The following FBXL17 variants were observed in gnomAD, a reference collection of about 807,000 sequenced individuals.
FBXL17 encodes F-box/LRR-repeat protein 17.
In FBXL17, 22 loss-of-function variants were observed where a neutral mutation model predicts 66.2. The ratio of observed to expected loss-of-function variants is 0.33; its 90% confidence interval spans 0.24 to 0.47. The LOEUF (loss-of-function observed/expected upper bound fraction) is 0.47. Ranked by LOEUF, FBXL17 falls within the 20% of genes least tolerant of loss-of-function variation. The pLI is 1.00. For missense variants in FBXL17, 878 were observed against 948.2 expected, an observed-to-expected ratio of 0.93 and a Z score of 0.97; for synonymous variants, 474 against 400.5, an observed-to-expected ratio of 1.18 and a Z score of -2.19.
chr5:108,229,666 T>C (rs1755243028), intron 4 of FBXL17, among the ~76,000 whole-genome samples: 1 of 152,158 alleles, frequency 6.6e-6, no homozygotes, highest in African/African-American at 2.4e-5. Context: ...GGCAAAGACC[T>C]CATGACCAAG....
chr5:108,224,588 G>C (rs899410693), intron 4 of FBXL17, among the ~76,000 whole-genome samples: 2 of 151,182 alleles, frequency 1.3e-5, no homozygotes, highest in Non-Finnish European at 3.0e-5. Context: ...GTTTGTTTTG[G>C]GGTTTTTTGT....
In FBXL17 at chr5:108,348,429, T is replaced by C; in HGVS notation, c.1476A>G (p.Leu492=). The change falls in exon 4 of 9, where the codon TTA becomes TTG. Residue 492 remains leucine (L), a synonymous_variant. Coordinates refer to ENST00000542267, the MANE Select transcript of FBXL17 (RefSeq NM_001163315.3). ...MIVIAKGCLK[L]QRIYMQENKL... The stretch of plus-strand genomic sequence containing the variant: ...TGTTTTCCTGCATGTATATCCTTTG[T>C]AATTTCAGACAGCCCTTAGCTATGA... 6.2e-7 allele frequency: 1 copy of C among 1,613,630 alleles called. No individual in the cohort carries two copies. Among genetic ancestry groups the C allele is most frequent in the Non-Finnish European group, 8.5e-7 (1 of 1,179,648 alleles).
At chr5:108,036,678 C>T (rs1746854217) in intron 6 of FBXL17, among the ~76,000 whole-genome samples, 1 of 152,164 alleles carries the variant, frequency 6.6e-6, no homozygotes, top group Admixed American at 6.5e-5. Context: ...CTTCCTCCTG[C>T]TCTGGCCTGA....
chr5:108,321,481 T>A (rs2150219268), intron 4 of FBXL17, among the ~76,000 whole-genome samples: 1 of 151,992 alleles, frequency 6.6e-6, no homozygotes, highest in South Asian at 2.1e-4. Flanking sequence ...GGCCACTGAT[T>A]TATAGAACAG....
intron 6 of FBXL17, among the ~76,000 whole-genome samples, chr5:108,051,589 T>C (rs915453389): frequency 1.3e-5 from 2 of 152,096 alleles, no homozygotes; most frequent in African/African-American, 2.4e-5. Flanking sequence ...ATGAAACATA[T>C]GTCAAAATAA....
chr5:108,334,555 A>G lies in FBXL17; in HGVS notation c.1506+13844T>C, dbSNP rs575270616. Among the ~76,000 whole-genome samples, 3 of 152,314 alleles carry G rather than the reference A, an allele frequency of 2.0e-5. No individual in the cohort carries two copies. In the South Asian group the frequency reaches 6.2e-4, roughly 32 times the overall value. On this transcript the variant is annotated intron_variant, in intron 4 of 8. Coordinates refer to ENST00000542267, the MANE Select transcript of FBXL17 (RefSeq NM_001163315.3). ...TCAATTCAGTTTCTTTTGTTCTGGTAGGTAGAGGGTTAGGGTACCAATGAC... is the reference window on the plus strand; with the variant it reads ...TCAATTCAGTTTCTTTTGTTCTGGTGGGTAGAGGGTTAGGGTACCAATGAC...
chr5:108,317,897 C>A (rs903320049), intron 4 of FBXL17, among the ~76,000 whole-genome samples: 2 of 151,270 alleles, frequency 1.3e-5, no homozygotes, highest in African/African-American at 2.4e-5. Context: ...AATAAATAAT[C>A]AAATGAAGCT....
chr5:108,320,579 CT>C (rs1759571585), intron 4 of FBXL17, among the ~76,000 whole-genome samples: 22 of 151,732 alleles, frequency 1.4e-4, no homozygotes, highest in African/African-American at 5.3e-4. Flanking sequence ...CAAGTTAGGA[CT>C]TTAAATGTTT....
intron 4 of FBXL17, among the ~76,000 whole-genome samples, chr5:108,336,531 A>G (rs989759802): frequency 6.6e-6 from 1 of 152,176 alleles, no homozygotes; most frequent in African/African-American, 2.4e-5. Flanking sequence ...AACAAACCAA[A>G]TATCTTCAAT....
At chr5:108,299,763 A>C (rs1242438714) in intron 4 of FBXL17, 1 of 984,970 alleles carries the variant, frequency 1.0e-6, no homozygotes, top group Non-Finnish European at 1.2e-6. Context: ...GAAGCAGTGC[A>C]TGTGAAATTC....
chr5:107,928,079 A>C (rs961549814), intron 7 of FBXL17, among the ~76,000 whole-genome samples: 15 of 152,236 alleles, frequency 9.9e-5, no homozygotes, highest in Middle Eastern at 3.4e-3. Context: ...TAACAAAGAA[A>C]ATTCTAAATA....
At chr5:107,878,638 A>G in intron 8 of FBXL17, 1 of 985,408 alleles carries the variant, frequency 1.0e-6, no homozygotes, top group Non-Finnish European at 1.2e-6. Flanking sequence ...CTTGATGGTA[A>G]CTTAAAATCT....
chr5:108,161,326 A>G (rs1752209530), intron 6 of FBXL17, among the ~76,000 whole-genome samples: 1 of 152,072 alleles, frequency 6.6e-6, no homozygotes, highest in Non-Finnish European at 1.5e-5. Context: ...CTACTAAAAT[A>G]CAAAAAAAAA....
chr5:108,055,060 C>G (rs1430575749), intron 6 of FBXL17, among the ~76,000 whole-genome samples: 1 of 151,974 alleles, frequency 6.6e-6, no homozygotes, highest in Admixed American at 6.6e-5. Flanking sequence ...GTAATAATGT[C>G]ATTTGAATTC....
At chr5:108,178,399 C>A (rs1382290096) in intron 6 of FBXL17, among the ~76,000 whole-genome samples, 2 of 151,962 alleles carry the variant, frequency 1.3e-5, no homozygotes. Flanking sequence ...ACTCCAATAT[C>A]AAACTATCTT....
chr5:108,044,365 T>C (rs994067017), intron 6 of FBXL17, among the ~76,000 whole-genome samples: 6 of 152,192 alleles, frequency 3.9e-5, no homozygotes, highest in African/African-American at 1.4e-4. Flanking sequence ...TGTCTGTTTC[T>C]GTCTTTCTGC....
chr5:108,268,615 T>G (rs534014007), intron 4 of FBXL17, among the ~76,000 whole-genome samples: 2 of 150,166 alleles, frequency 1.3e-5, no homozygotes, highest in African/African-American at 2.5e-5. Context: ...ACTAAAAAGG[T>G]AGAATTCAAA....
At chr5:108,177,219 T>C (rs990652167) in intron 6 of FBXL17, among the ~76,000 whole-genome samples, 3 of 152,222 alleles carry the variant, frequency 2.0e-5, no homozygotes, top group African/African-American at 7.2e-5. Context: ...CTATGAGTCA[T>C]GTGTAGTACA....
intron 5 of FBXL17, among the ~76,000 whole-genome samples, chr5:108,223,310 C>T (rs1433906112): frequency 1.3e-5 from 2 of 152,082 alleles, no homozygotes; most frequent in Admixed American, 6.5e-5. Context: ...TTTTTTTCAT[C>T]ATTGTGTTGC....
Sources: allele counts gnomAD v4.1 joint callset (sites outside exome capture counted in the v4.1 genomes callset), GRCh38; gene constraint gnomAD v4.1.1; transcripts MANE v1.5; gene names NCBI Gene and HGNC (gene_info 2026-07-23, HGNC 2026-07-21).